Variants in FAT4 observed in about 807,000 individuals in gnomAD.
FAT4 encodes FAT atypical cadherin 4.
A neutral mutation model predicts 303.9 loss-of-function variants in FAT4; 84 were observed. That is an observed-to-expected ratio of 0.28 (90% CI 0.23 to 0.33). The LOEUF is 0.33. Among genes scored for constraint, FAT4 ranks in the 10% least tolerant of loss-of-function variants. The pLI is 1.00. For synonymous variants in FAT4, 2,307 were observed against 2,298.8 expected, an observed-to-expected ratio of 1.00 and a Z score of -0.10; for missense variants, 6,005 against 6,146.8, an observed-to-expected ratio of 0.98 and a Z score of 0.77.
chr4:125,414,579 C>G (rs998099338), intron 5 of FAT4, among the ~76,000 whole-genome samples: 16 of 152,044 alleles, frequency 1.1e-4, no homozygotes, highest in African/African-American at 3.9e-4. Context: ...AAATGTTTGA[C>G]TAATAGTATA....
intron 7 of FAT4, among the ~76,000 whole-genome samples, chr4:125,429,850 C>T (rs76509819): frequency 0.06 from 9,172 of 152,162 alleles, 279 homozygotes; most frequent in Middle Eastern, 0.092. Flanking sequence ...TCTGACAGCC[C>T]AGAGGCAGCA....
intron 5 of FAT4, among the ~76,000 whole-genome samples, chr4:125,409,301 G>C (rs996699922): frequency 1.3e-5 from 2 of 150,218 alleles, no homozygotes; most frequent in African/African-American, 2.5e-5. Flanking sequence ...TTGTTGCCCA[G>C]GCTGGAGTGC....
chr4:125,431,855 AT>A (rs11354280), intron 7 of FAT4, among the ~76,000 whole-genome samples: 65,920 of 150,646 alleles, frequency 0.44, 14,498 homozygotes, highest in Non-Finnish European at 0.47. Context: ...TCCCTAGGTA[AT>A]TTTTTTTTTA....
In FAT4 at chr4:125,490,589, C is replaced by T. The variant is rs369619007; in HGVS notation, c.13773C>T (p.Pro4591=). The T allele has an allele frequency of 5.6e-6, 9 of 1,614,020 alleles. No individual in the cohort carries two copies. Among genetic ancestry groups the T allele is most frequent in the Non-Finnish European group, 7.6e-6 (9 of 1,180,036 alleles). ...PKPDIIEREN[P]YLIYDETDIP... Reference sequence around the variant, plus strand: ...CAGATATCATTGAAAGGGAAAACCCCTACCTTATCTATGATGAAACTGATA... The same window carrying T: ...CAGATATCATTGAAAGGGAAAACCCTTACCTTATCTATGATGAAACTGATA... Residue 4591 remains proline (P), a synonymous_variant, in exon 18 of 18, where the codon CCC becomes CCT. Coordinates refer to ENST00000394329, the MANE Select transcript of FAT4 (RefSeq NM_001291303.3).
Position 125,320,750 on chromosome 4 carries a change from C to T in FAT4, c.4339C>T (p.Pro1447Ser), listed in dbSNP as rs1467153415. The change falls in exon 2 of 18, where the codon CCT (proline) becomes TCT (serine). Residue 1447 changes from proline to serine, a missense_variant. Coordinates refer to ENST00000394329, the MANE Select transcript of FAT4 (RefSeq NM_001291303.3). ...TSVISVTAHDPDADINGQLSY... is the reference protein window; with the variant it reads ...TSVISVTAHDSDADINGQLSY... ...TGTCATTTCAGTGACTGCACATGAC[C>T]CTGATGCAGACATTAATGGTCAACT... 6.2e-7 allele frequency: 1 copy of T among 1,613,960 alleles called. No homozygotes were observed. The highest frequency in any genetic ancestry group is 2.2e-5 in the East Asian group (1 of 44,884).
chr4:125,406,815 A>C, intron 3 of FAT4, 65 bp from the exon 4 acceptor site: 3 of 1,540,856 alleles, frequency 1.9e-6, no homozygotes, highest in South Asian at 2.5e-5. Context: ...ACATGTTCAA[A>C]AGAAAATATA....
chr4:125,479,914 AG>A lies in FAT4; in HGVS notation c.12604+50del, dbSNP rs777751951. 16 of 1,431,486 alleles carry A rather than the reference AG, an allele frequency of 1.1e-5. No homozygotes were observed. In the African/African-American group the frequency reaches 2.0e-4, roughly 18 times the overall value. 88.7% of individuals were successfully genotyped at this position (1,431,486 alleles called of 1,614,324 possible). ...CCTGGAAATTTTAATAACTATGAAA[AG>A]TAAAATATATGCACCCAAGTATGTA... On this transcript the variant is annotated intron_variant, in intron 15 of 17. Coordinates refer to ENST00000394329, the MANE Select transcript of FAT4 (RefSeq NM_001291303.3).
In FAT4 at chr4:125,320,058, A is replaced by T. The variant is rs1345047085; in HGVS notation, c.3647A>T (p.Gln1216Leu). 3 of 1,613,758 alleles carry T rather than the reference A, an allele frequency of 1.9e-6. No individual in the cohort carries two copies. The African/African-American group carries it at 4.0e-5, about 22-fold the overall frequency. ...NAPKFLKDFY[Q>L]ATISESAANL... The stretch of plus-strand genomic sequence containing the variant: ...CCCAAATTTTTAAAAGACTTTTACC[A>T]AGCTACAATATCAGAATCAGCAGCC... Residue 1216 changes from glutamine (Q) to leucine (L), a missense_variant, in exon 2 of 18, where the codon CAA (glutamine) becomes CTA (leucine). Coordinates refer to ENST00000394329, the MANE Select transcript of FAT4 (RefSeq NM_001291303.3).
Position 125,346,646 on chromosome 4 carries a change from A to G in FAT4, c.5175+25060A>G, listed in dbSNP as rs532455445. Among the ~76,000 whole-genome samples, 5 of 152,118 alleles carry G rather than the reference A, an allele frequency of 3.3e-5. No homozygotes were observed. The South Asian group carries it at 1.0e-3, about 31-fold the overall frequency. On this transcript the variant is annotated intron_variant, in intron 2 of 17. Transcript: ENST00000394329. ...TGCATTGCGACTTGAGTGAACATTT[A>G]CAACACGTGAGAATGGAAAGGATGA...
intron 2 of FAT4, among the ~76,000 whole-genome samples, chr4:125,353,736 T>A (rs548150727): frequency 1.1e-3 from 174 of 151,812 alleles, no homozygotes; most frequent in African/African-American, 4.0e-3. Flanking sequence ...TATGCATACA[T>A]ACTTTATTAA....
chr4:125,441,136 C>G (rs945972708), intron 8 of FAT4, among the ~76,000 whole-genome samples: 7 of 152,002 alleles, frequency 4.6e-5, no homozygotes, highest in African/African-American at 1.7e-4. Flanking sequence ...GACTATGCAC[C>G]AAAAATTTAT....
At chr4:125,471,244 A>C (rs898819170) in intron 12 of FAT4, among the ~76,000 whole-genome samples, 7 of 152,240 alleles carry the variant, frequency 4.6e-5, no homozygotes, top group African/African-American at 1.7e-4. Flanking sequence ...ACCACATAAA[A>C]TAATAATGAA....
At chr4:125,413,529 T>C (rs1734924609) in intron 5 of FAT4, among the ~76,000 whole-genome samples, 1 of 151,866 alleles carries the variant, frequency 6.6e-6, no homozygotes, top group African/African-American at 2.4e-5. Flanking sequence ...TGTCTGAAAG[T>C]TATATTCATA....
At chr4:125,401,682 T>C (rs1467865012) in intron 3 of FAT4, among the ~76,000 whole-genome samples, 1 of 152,000 alleles carries the variant, frequency 6.6e-6, no homozygotes, top group Non-Finnish European at 1.5e-5. Context: ...TTGAAATGTG[T>C]TGGATCAAGA....
At chr4:125,476,136 C>T in intron 12 of FAT4, 35 bp from the exon 13 acceptor site, 1 of 1,413,984 alleles carries the variant, frequency 7.1e-7, no homozygotes, top group South Asian at 1.2e-5. Flanking sequence ...GACGGTAGAA[C>T]TCAAAGTTGA....
Position 125,316,805 on chromosome 4 carries a change from G to GC in FAT4, c.399dup (p.Val134ArgfsTer16), listed in dbSNP as rs745962319. 1 of 1,613,874 alleles carries GC rather than the reference G, an allele frequency of 6.2e-7. No homozygotes were observed. Among genetic ancestry groups the GC allele is most frequent in the Non-Finnish European group, 8.5e-7 (1 of 1,179,960 alleles). The stretch of plus-strand genomic sequence containing the variant: ...GCTGGTGCGGGACCTCAATGACAAC[G>GC]CCCCCGTTTTCCCGGACCCCTCTAT... On this transcript the variant is annotated frameshift_variant, in exon 2 of 18. Coordinates refer to ENST00000394329, the MANE Select transcript of FAT4 (RefSeq NM_001291303.3). LOFTEE classifies it high-confidence loss of function. The surrounding 1 kb of genome is among the most constrained non-coding windows in gnomAD (Gnocchi z 5.7).
At chr4:125,384,282 C>T (rs1446661754) in intron 2 of FAT4, among the ~76,000 whole-genome samples, 1 of 152,172 alleles carries the variant, frequency 6.6e-6, no homozygotes, top group Non-Finnish European at 1.5e-5. Flanking sequence ...CTTATATTCT[C>T]ACCAACAACA....
chr4:125,427,007 T>C (rs1218506010), intron 7 of FAT4, among the ~76,000 whole-genome samples: 1 of 151,966 alleles, frequency 6.6e-6, no homozygotes, highest in Non-Finnish European at 1.5e-5. Context: ...TAATTTGATA[T>C]TTTCACTCAG....
At chr4:125,381,355 A>C (rs1459150548) in intron 2 of FAT4, among the ~76,000 whole-genome samples, 2 of 152,152 alleles carry the variant, frequency 1.3e-5, no homozygotes, top group African/African-American at 4.8e-5. Context: ...ATGCAGGTAT[A>C]CCTCTGAGAC....
Sources: gnomAD v4.1 joint callset for allele counts (sites outside exome capture counted in the v4.1 genomes callset) on GRCh38, gnomAD v4.1.1 for gene constraint, Gnocchi (gnomAD v3.1) non-coding constraint, MANE v1.5 for transcripts, NCBI Gene and HGNC (gene_info 2026-07-23, HGNC 2026-07-21) for gene names.